GMFG: variants seen among roughly 807,000 people sequenced by gnomAD.
GMFG encodes the protein glia maturation factor gamma.
A neutral mutation model predicts 26.1 loss-of-function variants in GMFG; 21 were observed. That is an observed-to-expected ratio of 0.80 (90% CI 0.57 to 1.16). GMFG has a LOEUF of 1.16. Ranked by LOEUF, GMFG falls within the 50% of genes most tolerant of loss-of-function variation. GMFG has a pLI of 0.00. For missense variants in GMFG, 161 were observed against 178.3 expected (o/e 0.90, Z 0.55); for synonymous variants, 65 against 60.8 (o/e 1.07, Z -0.32).
Position 39,328,990 on chromosome 19 carries a change from C to G in GMFG, c.357+10G>C, listed in dbSNP as rs761735686. 1.9e-6 allele frequency: 3 copies of G among 1,599,164 alleles called. No homozygotes were observed. The South Asian group carries it at 3.3e-5, about 18-fold the overall frequency. ...TCCCTAACACTCTGGAGCCCCATCC[C>G]AGTCTGAACCTTTGTGAGCTCTGCT... On this transcript the variant is annotated intron_variant, in intron 6 of 6. Coordinates refer to ENST00000597595, the MANE Select transcript of GMFG (RefSeq NM_004877.4).
chr19:39,329,470 A>G, intron 5 of GMFG, 74 bp downstream of exon 5: 1 of 862,662 alleles, frequency 1.2e-6, no homozygotes, highest in Non-Finnish European at 2.0e-6. Context: ...GCCTGCACAC[A>G]TTCGCATTTA....
In GMFG at chr19:39,336,037, C is replaced by T. The variant is rs563938601; in HGVS notation, c.-61G>A. 2.8e-5 allele frequency: 40 copies of T among 1,442,828 alleles called. No homozygotes were observed. The highest frequency in any genetic ancestry group is 2.5e-4 in the Admixed American group (15 of 59,522). 89.4% of individuals were successfully genotyped at this position (1,442,828 alleles called of 1,614,324 possible). A position where few individuals can be genotyped will look rare whatever the true frequency, so the allele number is the denominator to read the frequency against. On this transcript the variant is annotated 5_prime_UTR_variant, in exon 1 of 7. Transcript: ENST00000597595. ...TCCGCTGTCTTCTAGGCGTGGGGAC[C>T]GGGGCTGTAGGGGGGCGGGCTGTGC... is the stretch of plus-strand genomic sequence containing the variant.
At chr19:39,335,574 G>T in intron 1 of GMFG, 43 bp from the exon 2 acceptor site, 2 of 1,307,476 alleles carry the variant, frequency 1.5e-6, no homozygotes, top group Non-Finnish European at 2.2e-6. Context: ...CCTGGCCTCA[G>T]CCCTCACCCC....
rs1451523166 is a variant in GMFG, at chr19:39,329,064, G to A, written c.293C>T (p.Pro98Leu). 19 of 1,612,718 alleles carry A rather than the reference G, an allele frequency of 1.2e-5. No individual in the cohort carries two copies. Among genetic ancestry groups the A allele is most frequent in the South Asian group, 8.8e-5 (8 of 91,052 alleles). The change falls in exon 6 of 7, where the codon CCG becomes CTG. Residue 98 changes from proline to leucine, a missense_variant. Coordinates refer to ENST00000597595, the MANE Select transcript of GMFG (RefSeq NM_004877.4). ...FIFSSPVGCK[P>L]EQQMMYAGSK... ...CCCTGCATACATCATCTGTTGTTCC[G>A]GCTTGCAGCCTGCGTGGAAAAGAGG...
chr19:39,329,168 G>C (rs180923512), intron 5 of GMFG, 95 bp from the exon 6 acceptor site: 17 of 815,530 alleles, frequency 2.1e-5, no homozygotes, highest in East Asian at 2.0e-4. Flanking sequence ...GCTTGCCAAG[G>C]GTCCTAGGAG....
intron 5 of GMFG, 63 bp downstream of exon 5, chr19:39,329,481 C>T (rs945138945): frequency 1.0e-6 from 1 of 956,176 alleles, no homozygotes; most frequent in Non-Finnish European, 1.7e-6. Flanking sequence ...TTCGCATTTA[C>T]ACACAAACAC....
chr19:39,335,883 C>T lies in GMFG; in HGVS notation c.3+91G>A, dbSNP rs182038719. 4.4e-4 allele frequency: 394 copies of T among 891,034 alleles called. 1 individual carries two copies. In the African/African-American group the frequency reaches 5.7e-3, roughly 13 times the overall value. The allele number at this position is 891,034 out of a possible 1,614,324, so 55.2% of individuals were successfully genotyped here. On this transcript the variant is annotated intron_variant, in intron 1 of 6. Coordinates refer to ENST00000597595, the MANE Select transcript of GMFG (RefSeq NM_004877.4). ...GGCCCCCTTCCCGGCCCGTGACCTC[C>T]ATCCCATAGCCTGACCTTCGCCCAG...
At chr19:39,329,126 T>TA in intron 5 of GMFG, 53 bp from the exon 6 acceptor site, 1 of 1,285,052 alleles carries the variant, frequency 7.8e-7, no homozygotes. Context: ...GCGTGTTCTC[T>TA]AAAGCTCTAG....
At chr19:39,328,786 G>A (rs1359468642) in intron 6 of GMFG, 4 of 613,724 alleles carry the variant, frequency 6.5e-6, no homozygotes, top group Non-Finnish European at 1.2e-5. Flanking sequence ...GCTGAGGCAG[G>A]AGAATTGCTT....
At chr19:39,332,088 A>G (rs2075228685) in intron 4 of GMFG, among the ~76,000 whole-genome samples, 1 of 151,622 alleles carries the variant, frequency 6.6e-6, no homozygotes, top group South Asian at 2.1e-4. Flanking sequence ...CACGCCTGTA[A>G]TCCCAGCACT....
chr19:39,332,891 T>G (rs1764633858), intron 4 of GMFG, 186 bp downstream of exon 4: 5 of 403,388 alleles, frequency 1.2e-5, no homozygotes, highest in Non-Finnish European at 2.3e-5. Flanking sequence ...ACTCCTGACC[T>G]CAAGTGATCC....
intron 3 of GMFG, among the ~76,000 whole-genome samples, chr19:39,334,623 T>A (rs2075241467): frequency 6.6e-6 from 1 of 152,126 alleles, no homozygotes; most frequent in Non-Finnish European, 1.5e-5. Context: ...AGCATTATTA[T>A]CATCATTATT....
At chr19:39,333,512 G>A (rs542556722) in intron 3 of GMFG, among the ~76,000 whole-genome samples, 50 of 151,242 alleles carry the variant, frequency 3.3e-4, no homozygotes, top group South Asian at 2.1e-3. Flanking sequence ...CCCGGGAGGC[G>A]GAGGTTGCAG....
chr19:39,334,943 G>A (rs569784817), intron 3 of GMFG, among the ~76,000 whole-genome samples: 34 of 152,132 alleles, frequency 2.2e-4, no homozygotes, highest in African/African-American at 7.7e-4. Flanking sequence ...TCCATCTCCC[G>A]GGTTCCAGCG....
At chr19:39,333,179 T>C in intron 3 of GMFG, 53 bp from the exon 4 acceptor site, 1 of 1,048,744 alleles carries the variant, frequency 9.5e-7, no homozygotes, top group Non-Finnish European at 1.4e-6. Flanking sequence ...GCGCAGTGGC[T>C]CACACCTGTA....
rs1053099346 is a variant in GMFG at position 39,335,330 on chromosome 19, A to G, written c.101-20T>C. ...CCTTCACTGGGGAGGGGTGGCACACAGGGATTAGACACTCCCCCTGATCCA... is the reference window on the plus strand; with the variant it reads ...CCTTCACTGGGGAGGGGTGGCACACGGGGATTAGACACTCCCCCTGATCCA... On this transcript the variant is annotated intron_variant, in intron 2 of 6. Transcript: ENST00000597595. 6 of 1,587,504 alleles carry G rather than the reference A, an allele frequency of 3.8e-6. No homozygotes were observed. The highest frequency in any genetic ancestry group is 3.4e-5 in the Admixed American group (2 of 58,418).
At chr19:39,330,912 A>T (rs971125983) in intron 4 of GMFG, among the ~76,000 whole-genome samples, 1 of 150,822 alleles carries the variant, frequency 6.6e-6, no homozygotes, top group Non-Finnish European at 1.5e-5. Context: ...TTTTTAAAAA[A>T]TTTTAGTAGA....
chr19:39,329,498 A>G (rs2075217573), intron 5 of GMFG, 46 bp downstream of exon 5: 1 of 1,104,626 alleles, frequency 9.1e-7, no homozygotes, highest in South Asian at 1.3e-5. Context: ...ACACACACAC[A>G]CAGAATCGAA....
In GMFG at chr19:39,335,493, T is replaced by A; in HGVS notation, c.42A>T (p.Leu14=). The part of the protein sequence containing the change: ...SLVVCEVDPE[L]TEKLRKFRFR... Reference sequence around the variant, plus strand: ...AGCGGAATTTCCTCAGCTTTTCTGTTAGCTCTGGGTCTACCTCGCACACCA... The same window carrying A: ...AGCGGAATTTCCTCAGCTTTTCTGTAAGCTCTGGGTCTACCTCGCACACCA... Residue 14 remains leucine (L), a synonymous_variant, in exon 2 of 7, where the codon CTA becomes CTT. Transcript: ENST00000597595. 2 of 1,614,014 alleles carry A rather than the reference T, an allele frequency of 1.2e-6. No homozygotes were observed. Among genetic ancestry groups the A allele is most frequent in the South Asian group, 2.2e-5 (2 of 91,082 alleles).
Sources: allele counts gnomAD v4.1 joint callset (sites outside exome capture counted in the v4.1 genomes callset), GRCh38; gene constraint gnomAD v4.1.1; transcripts MANE v1.5; gene names NCBI Gene and HGNC (gene_info 2026-07-23, HGNC 2026-07-21).